Variants in TSHZ2 observed in about 807,000 individuals in gnomAD.
TSHZ2 encodes the protein teashirt homolog 2.
A neutral mutation model predicts 74.4 loss-of-function variants in TSHZ2; 21 were observed. The observed-to-expected ratio is 0.28, with a 90% CI of 0.20 to 0.41. The LOEUF is 0.41. TSHZ2 is among the 10% of genes least tolerant of loss of function. TSHZ2 has a pLI of 1.00. For synonymous variants in TSHZ2, 540 were observed against 515.3 expected (o/e 1.05, Z -0.65); for missense variants, 1,244 against 1,293.5 (o/e 0.96, Z 0.59).
At chr20:53,485,684 G>A (rs1986272708) in intron 2 of TSHZ2, among the ~76,000 whole-genome samples, 1 of 151,430 alleles carries the variant, frequency 6.6e-6, no homozygotes, top group African/African-American at 2.4e-5. Context: ...ACTCCAGCTT[G>A]GGTGACAGAG....
chr20:53,132,296 T>A (rs1987125344), intron 1 of TSHZ2, among the ~76,000 whole-genome samples: 1 of 151,122 alleles, frequency 6.6e-6, no homozygotes, highest in Non-Finnish European at 1.5e-5. Flanking sequence ...GGTTTCTCAT[T>A]ATTCTTTCTG....
intron 1 of TSHZ2, among the ~76,000 whole-genome samples, chr20:53,089,165 G>A (rs924118091): frequency 1.3e-5 from 2 of 151,206 alleles, no homozygotes; most frequent in Non-Finnish European, 2.9e-5. Flanking sequence ...TCAGGCTTAC[G>A]AGATCATGTC....
intron 2 of TSHZ2, chr20:53,421,577 A>C (rs1600626517): frequency 4.8e-6 from 1 of 206,768 alleles, no homozygotes; most frequent in East Asian, 1.2e-4. Flanking sequence ...ATGAATCAAT[A>C]TCACAGAAGC....
At chr20:53,467,947 G>A (rs1352998746) in intron 2 of TSHZ2, among the ~76,000 whole-genome samples, 6 of 152,026 alleles carry the variant, frequency 3.9e-5, no homozygotes, top group East Asian at 1.9e-4. Context: ...CAACAGAGAC[G>A]ACAGGAGGTT....
chr20:53,047,385 T>C (rs922132524), intron 1 of TSHZ2, among the ~76,000 whole-genome samples: 2 of 152,208 alleles, frequency 1.3e-5, no homozygotes, highest in Non-Finnish European at 2.9e-5. Flanking sequence ...CAAGGCTTCC[T>C]TCTGATGGTC....
chr20:53,434,949 C>T (rs541264653), intron 2 of TSHZ2, among the ~76,000 whole-genome samples: 5 of 152,262 alleles, frequency 3.3e-5, no homozygotes, highest in African/African-American at 9.6e-5. Flanking sequence ...AAAATTCTTC[C>T]GAGCCAGAAA....
intron 2 of TSHZ2, among the ~76,000 whole-genome samples, chr20:53,430,797 C>T (rs1008574518): frequency 3.9e-5 from 6 of 152,086 alleles, no homozygotes; most frequent in Non-Finnish European, 8.8e-5. Flanking sequence ...CTTGCTTTGT[C>T]GCCCAGGCTG....
intron 1 of TSHZ2, among the ~76,000 whole-genome samples, chr20:53,050,103 G>GAATATATATATATATA (rs1984374913): frequency 8.6e-6 from 1 of 116,068 alleles, no homozygotes; most frequent in South Asian, 2.6e-4. Flanking sequence ...GTATATGTGT[G>GAATATATATATATATA]TATATATATA....
At chr20:53,278,865 C>T (rs555268067) in intron 2 of TSHZ2, among the ~76,000 whole-genome samples, 170 of 152,244 alleles carry the variant, frequency 1.1e-3, no homozygotes, top group African/African-American at 3.3e-3. Flanking sequence ...GTTAGCAGTG[C>T]TGATCCTCTG....
At chr20:53,408,522 T>C (rs1394844104) in intron 2 of TSHZ2, among the ~76,000 whole-genome samples, 9 of 152,228 alleles carry the variant, frequency 5.9e-5, no homozygotes, top group Non-Finnish European at 1.3e-4. Flanking sequence ...AAGAGTGATA[T>C]GTCTAAGTGA....
At chr20:53,378,107 G>A (rs530858130) in intron 2 of TSHZ2, among the ~76,000 whole-genome samples, 2 of 152,140 alleles carry the variant, frequency 1.3e-5, no homozygotes, top group Non-Finnish European at 2.9e-5. Context: ...TCGGGAGGCC[G>A]AGGCGGGCGA....
At chr20:53,270,669 C>A (rs1476049223) in intron 2 of TSHZ2, among the ~76,000 whole-genome samples, 1 of 152,070 alleles carries the variant, frequency 6.6e-6, no homozygotes, top group Non-Finnish European at 1.5e-5. Flanking sequence ...ATGCCTCCCC[C>A]CCAAAAAAAG....
chr20:53,446,829 C>T (rs887268698), intron 2 of TSHZ2, among the ~76,000 whole-genome samples: 4 of 152,132 alleles, frequency 2.6e-5, no homozygotes, highest in African/African-American at 9.7e-5. Context: ...AGTCCCAGCT[C>T]CTAACATGGG....
At chr20:53,366,388 GT>G (rs1163732489) in intron 2 of TSHZ2, among the ~76,000 whole-genome samples, 1 of 152,190 alleles carries the variant, frequency 6.6e-6, no homozygotes. Context: ...TGGGAAAGGT[GT>G]TTAGTCTATT....
In TSHZ2 at chr20:53,469,968, A is replaced by G. The variant is rs188295891; in HGVS notation, c.*9-17176A>G. On this transcript the variant is annotated intron_variant, in intron 2 of 2. Transcript: ENST00000371497. Reference sequence around the variant, plus strand: ...CAGACACAACCCAGATATTACTGATATATAACTGTTAAAATGTTTTCATTA... The same window carrying G: ...CAGACACAACCCAGATATTACTGATGTATAACTGTTAAAATGTTTTCATTA... Among the ~76,000 whole-genome samples the G allele has an allele frequency of 2.2e-3, 342 of 152,242 alleles. 1 individual carries two copies. The highest frequency in any genetic ancestry group is 7.8e-3 in the African/African-American group (324 of 41,514).
intron 1 of TSHZ2, among the ~76,000 whole-genome samples, chr20:53,009,995 T>C (rs2741370): frequency 0.32 from 48,998 of 152,078 alleles, 8,610 homozygotes; most frequent in Non-Finnish European, 0.41. Context: ...ATCACTATCA[T>C]TGTCATTGTT....
At chr20:53,288,410 CAAAA>C (rs11475652) in intron 2 of TSHZ2, among the ~76,000 whole-genome samples, 2 of 126,982 alleles carry the variant, frequency 1.6e-5, no homozygotes, top group African/African-American at 2.8e-5. Context: ...GACTCCGTTT[CAAAA>C]AAAAAAAAAA....
At chr20:53,426,727 G>A (rs1983670368) in intron 2 of TSHZ2, among the ~76,000 whole-genome samples, 1 of 152,184 alleles carries the variant, frequency 6.6e-6, no homozygotes, top group South Asian at 2.1e-4. Context: ...GATCAAAAGA[G>A]AGAATTCTCT....
rs372284484 is a variant in TSHZ2, at chr20:53,164,310, T to A, written c.41-89189T>A. 7.2e-5 allele frequency among the ~76,000 whole-genome samples: 11 copies of A among 152,308 alleles called. No individual in the cohort carries two copies. The South Asian group carries it at 2.1e-3, about 29-fold the overall frequency. On this transcript the variant is annotated intron_variant, in intron 1 of 2. Coordinates refer to ENST00000371497, the MANE Select transcript of TSHZ2 (RefSeq NM_173485.6). ...CACTACTACCAGAAATGCAGGTCAA[T>A]GTCTACTTCATCTCACCTTTGCCTT...
Sources: gnomAD v4.1 joint callset for allele counts (sites outside exome capture counted in the v4.1 genomes callset) on GRCh38, gnomAD v4.1.1 for gene constraint, MANE v1.5 for transcripts, NCBI Gene and HGNC (gene_info 2026-07-23, HGNC 2026-07-21) for gene names.